Variants in ZFP2 observed in about 807,000 individuals in gnomAD.
ZFP2 encodes ZFP2 zinc finger protein, also known as zinc finger protein ZFP2.
In ZFP2, 33 loss-of-function variants were observed where a neutral mutation model predicts 36.1. That is an observed-to-expected ratio of 0.92 (90% confidence interval 0.69 to 1.22). The LOEUF is 1.22. Ranked by LOEUF, ZFP2 falls within the 50% of genes most tolerant of loss-of-function variation. The pLI, the probability that ZFP2 is intolerant of heterozygous loss-of-function variation, is 0.00. For synonymous variants in ZFP2, 170 were observed against 178.0 expected, an observed-to-expected ratio of 0.96 and a Z score of 0.36; for missense variants, 522 against 551.4, an observed-to-expected ratio of 0.95 and a Z score of 0.53.
intron 4 of ZFP2, among the ~76,000 whole-genome samples, chr5:178,927,597 A>G (rs772235365): frequency 6.6e-6 from 1 of 150,790 alleles, no homozygotes; most frequent in Non-Finnish European, 1.5e-5. Flanking sequence ...CCCGGGTTCA[A>G]GTGATTCTCC....
intron 1 of ZFP2, among the ~76,000 whole-genome samples, chr5:178,901,711 C>T (rs1758060271): frequency 6.6e-6 from 1 of 152,004 alleles, no homozygotes; most frequent in African/African-American, 2.4e-5. Context: ...TTTTGGGGGA[C>T]ACAGTTCATA....
At chr5:178,924,200 C>T (rs556691613) in intron 4 of ZFP2, among the ~76,000 whole-genome samples, 4 of 148,348 alleles carry the variant, frequency 2.7e-5, no homozygotes, top group East Asian at 1.9e-4. Context: ...GGTGAAACCC[C>T]GTCTGTACTA....
chr5:178,902,491 T>C (rs1395319682), intron 1 of ZFP2, among the ~76,000 whole-genome samples: 2 of 152,208 alleles, frequency 1.3e-5, no homozygotes, highest in African/African-American at 2.4e-5. Context: ...TCCTTTTATC[T>C]AGAAAAGTTC....
chr5:178,897,699 G>A (rs540399132), intron 1 of ZFP2, among the ~76,000 whole-genome samples: 1 of 152,262 alleles, frequency 6.6e-6, no homozygotes, highest in East Asian at 1.9e-4. Flanking sequence ...ATTTAGGTTG[G>A]TAGAATTTTA....
chr5:178,913,858 C>CTTTTTTTTTTT (rs1217671563), intron 3 of ZFP2: 3 of 129,746 alleles, frequency 2.3e-5, no homozygotes, highest in Non-Finnish European at 3.3e-5. Flanking sequence ...CTTTTTTTTT[C>CTTTTTTTTTTT]TTTTTTTTTT....
intron 3 of ZFP2, among the ~76,000 whole-genome samples, chr5:178,915,155 T>C (rs925221367): frequency 3.3e-5 from 5 of 152,106 alleles, no homozygotes; most frequent in African/African-American, 1.2e-4. Flanking sequence ...TTTTCCTTGC[T>C]CCCTAGATTA....
chr5:178,932,490 CA>C lies in ZFP2; in HGVS notation c.1178del (p.Gln393ArgfsTer81). The C allele has an allele frequency of 6.2e-7, 1 of 1,614,054 alleles. No homozygotes were observed. Among genetic ancestry groups the C allele is most frequent in the Non-Finnish European group, 8.5e-7 (1 of 1,180,014 alleles). On this transcript the variant is annotated frameshift_variant, in exon 5 of 5. Coordinates refer to ENST00000361362, the MANE Select transcript of ZFP2 (RefSeq NM_030613.4). LOFTEE classifies it high-confidence loss of function. Reference sequence around the variant, plus strand: ...CAATGAATGTGGAAAGGCATTCAGCCAGAGTGCTTACCTTATTGAACATCAA... The same window carrying C: ...CAATGAATGTGGAAAGGCATTCAGCCGAGTGCTTACCTTATTGAACATCAA... ...ECNECGKAFS[Q>X]SAYLIEHQRI... is the part of the protein sequence containing the mutation.
At chr5:178,896,645 A>G (rs770365008) in intron 1 of ZFP2, among the ~76,000 whole-genome samples, 3 of 152,204 alleles carry the variant, frequency 2.0e-5, no homozygotes, top group Non-Finnish European at 2.9e-5. Flanking sequence ...CTGTAGCACA[A>G]CTGGAAAATT....
chr5:178,899,359 A>G (rs1006118330), intron 1 of ZFP2, among the ~76,000 whole-genome samples: 13 of 152,336 alleles, frequency 8.5e-5, no homozygotes, highest in African/African-American at 2.9e-4. Flanking sequence ...GAAAGTTCAA[A>G]TAAAATAATA....
intron 1 of ZFP2, among the ~76,000 whole-genome samples, chr5:178,901,725 C>G (rs1407755192): frequency 6.6e-6 from 1 of 151,778 alleles, no homozygotes; most frequent in African/African-American, 2.4e-5. Flanking sequence ...GTTCATAACA[C>G]TAGGTATTAT....
intron 4 of ZFP2, among the ~76,000 whole-genome samples, chr5:178,919,656 T>C (rs1451630718): frequency 6.6e-6 from 1 of 152,176 alleles, no homozygotes; most frequent in African/African-American, 2.4e-5. Flanking sequence ...GTTTTTTACT[T>C]CCATTTTTAG....
intron 1 of ZFP2, among the ~76,000 whole-genome samples, chr5:178,896,850 G>A (rs1757954732): frequency 6.6e-6 from 1 of 152,096 alleles, no homozygotes; most frequent in Non-Finnish European, 1.5e-5. Flanking sequence ...CTTAAGCCTT[G>A]TAATTTTTTA....
intron 1 of ZFP2, among the ~76,000 whole-genome samples, chr5:178,897,941 A>G (rs915251919): frequency 3.3e-5 from 5 of 152,216 alleles, no homozygotes; most frequent in Non-Finnish European, 7.3e-5. Flanking sequence ...TTTTTAAAAA[A>G]GTCTTAGTTG....
chr5:178,908,958 T>C (rs6600993), intron 1 of ZFP2, among the ~76,000 whole-genome samples: 71,518 of 148,130 alleles, frequency 0.48, 17,620 homozygotes, highest in Middle Eastern at 0.54. Flanking sequence ...GCCTTTGGAA[T>C]ACCAAGTTTA....
intron 1 of ZFP2, among the ~76,000 whole-genome samples, chr5:178,900,855 C>G (rs1423209529): frequency 3.9e-5 from 6 of 152,160 alleles, no homozygotes; most frequent in Admixed American, 3.9e-4. Flanking sequence ...CCACGTCCCC[C>G]ACCCCAGGAA....
rs1354450170 is a variant in ZFP2 at position 178,932,823 on chromosome 5, C to A, written c.*124C>A. On this transcript the variant is annotated 3_prime_UTR_variant, in exon 5 of 5. Coordinates refer to ENST00000361362, the MANE Select transcript of ZFP2 (RefSeq NM_030613.4). Reference sequence around the variant, plus strand: ...ATCTTTCAGTTGAAGTACAATATGTCATATCAGATAATACCACTGCAGAGA... The same window carrying A: ...ATCTTTCAGTTGAAGTACAATATGTAATATCAGATAATACCACTGCAGAGA... 2.5e-6 allele frequency: 3 copies of A among 1,195,166 alleles called. No individual in the cohort carries two copies. Among genetic ancestry groups the A allele is most frequent in the African/African-American group, 3.1e-5 (2 of 65,360 alleles). 74.0% of individuals were successfully genotyped at this position (1,195,166 alleles called of 1,614,324 possible).
intron 4 of ZFP2, among the ~76,000 whole-genome samples, chr5:178,919,313 C>T (rs1309104292): frequency 1.3e-5 from 2 of 152,114 alleles, no homozygotes; most frequent in African/African-American, 2.4e-5. Context: ...AATCCTTCTT[C>T]GTGCTAGTTA....
At chr5:178,925,126 TACACACACACACACACACACACAC>T (rs70997651) in intron 4 of ZFP2, among the ~76,000 whole-genome samples, 1 of 133,566 alleles carries the variant, frequency 7.5e-6, no homozygotes, top group Non-Finnish European at 1.6e-5. Flanking sequence ...TATATATATA[TACACACACACACACACACACACAC>T]ATATATATAC....
rs1277239214 is a variant in ZFP2 at position 178,932,583 on chromosome 5, T to C, written c.1270T>C (p.Ser424Pro). The C allele has an allele frequency of 2.5e-6, 4 of 1,613,790 alleles. No homozygotes were observed. The highest frequency in any genetic ancestry group is 3.4e-6 in the Non-Finnish European group (4 of 1,179,972). The change falls in exon 5 of 5, where the codon TCC becomes CCC. Residue 424 changes from serine to proline, a missense_variant. Coordinates refer to ENST00000361362, the MANE Select transcript of ZFP2 (RefSeq NM_030613.4). The stretch of plus-strand genomic sequence containing the variant: ...TGGAAAAGCCTTCATTAAGAATTCA[T>C]CCCTTACAGTGCATCAGAGAACTCA... ...QCGKAFIKNS[S>P]LTVHQRTHTG...
Sources: gnomAD v4.1 joint callset for allele counts (sites outside exome capture counted in the v4.1 genomes callset) on GRCh38, gnomAD v4.1.1 for gene constraint, MANE v1.5 for transcripts, NCBI Gene and HGNC (gene_info 2026-07-23, HGNC 2026-07-21) for gene names.